ELOVL2: variants seen among roughly 807,000 people sequenced by gnomAD.
The protein encoded by ELOVL2 is very long chain fatty acid elongase 2.
A neutral mutation model predicts 37.7 loss-of-function variants in ELOVL2; 38 were observed. That is an observed-to-expected ratio of 1.01 (90% CI 0.78 to 1.32). The LOEUF (loss-of-function observed/expected upper bound fraction) is 1.32, where lower values mean the gene tolerates loss of function less well. Among genes scored for constraint, ELOVL2 ranks in the 40% most tolerant of loss-of-function variants. ELOVL2 has a pLI of 0.00. For missense variants in ELOVL2, 352 were observed against 363.6 expected, an observed-to-expected ratio of 0.97 and a Z score of 0.26; for synonymous variants, 115 against 122.3, an observed-to-expected ratio of 0.94 and a Z score of 0.40.
intron 1 of ELOVL2, among the ~76,000 whole-genome samples, chr6:11,022,464 C>T (rs979992404): frequency 1.3e-5 from 2 of 152,204 alleles, no homozygotes. Flanking sequence ...GAATCACTCA[C>T]AATCAATCCC....
chr6:10,995,232 G>T, intron 4 of ELOVL2, 54 bp from the exon 5 acceptor site: 1 of 1,348,846 alleles, frequency 7.4e-7, no homozygotes, highest in African/African-American at 1.5e-5. Context: ...TGTTCCTGGT[G>T]CTGCCCCACT....
At chr6:11,013,580 T>A (rs1390706726) in intron 1 of ELOVL2, among the ~76,000 whole-genome samples, 1 of 152,056 alleles carries the variant, frequency 6.6e-6, no homozygotes, top group Non-Finnish European at 1.5e-5. Context: ...GTCATACATA[T>A]GAAGGAAAAG....
chr6:10,999,321 A>G (rs1233285431), intron 4 of ELOVL2, among the ~76,000 whole-genome samples: 2 of 151,946 alleles, frequency 1.3e-5, no homozygotes, highest in African/African-American at 4.8e-5. Flanking sequence ...AGGTACATTC[A>G]GAGAATTCTG....
chr6:11,005,158 C>CAA (rs879891585), intron 3 of ELOVL2, among the ~76,000 whole-genome samples: 6 of 136,502 alleles, frequency 4.4e-5, no homozygotes, highest in African/African-American at 1.6e-4. Context: ...GACTCCATCT[C>CAA]AAAAAAAAAA....
intron 7 of ELOVL2, among the ~76,000 whole-genome samples, chr6:10,985,792 A>G (rs373132669): frequency 1.3e-5 from 2 of 151,960 alleles, no homozygotes; most frequent in Non-Finnish European, 2.9e-5. Context: ...GATGCCTCCA[A>G]CTTTGTTCTT....
At chr6:11,008,852 G>C (rs1782523577) in intron 2 of ELOVL2, among the ~76,000 whole-genome samples, 1 of 152,164 alleles carries the variant, frequency 6.6e-6, no homozygotes, top group Non-Finnish European at 1.5e-5. Flanking sequence ...ACAGTTAATA[G>C]AGCCCATGGA....
At chr6:10,984,860 C>A (rs113221789) in intron 7 of ELOVL2, among the ~76,000 whole-genome samples, 7 of 152,200 alleles carry the variant, frequency 4.6e-5, no homozygotes, top group Middle Eastern at 6.8e-3. Flanking sequence ...ATTTATAGTC[C>A]TTTGGGTATA....
intron 4 of ELOVL2, among the ~76,000 whole-genome samples, chr6:10,999,237 GCTTT>G (rs1371914641): frequency 6.6e-6 from 1 of 152,076 alleles, no homozygotes; most frequent in Non-Finnish European, 1.5e-5. Context: ...CGGCTGCCTT[GCTTT>G]CTTTTTAAAT....
Position 11,036,904 on chromosome 6 carries a change from T to C in ELOVL2, c.3+7324A>G, listed in dbSNP as rs566773860. Among the ~76,000 whole-genome samples, 6 of 137,574 alleles carry C rather than the reference T, an allele frequency of 4.4e-5. No homozygotes were observed. The East Asian group carries it at 1.2e-3, about 27-fold the overall frequency. 90.3% of individuals were successfully genotyped at this position (137,574 alleles called of 152,430 possible). A position where few individuals can be genotyped will look rare whatever the true frequency, so the allele number is the denominator to read the frequency against. On this transcript the variant is annotated intron_variant, in intron 1 of 7. Transcript: ENST00000354666. The stretch of plus-strand genomic sequence containing the variant: ...TATTCTGTTTTCTTCTTTCAAAGCA[T>C]GAGTTAATTTTTTTTTTTTTGAGGA...
chr6:10,989,006 T>C (rs745554700), intron 7 of ELOVL2, among the ~76,000 whole-genome samples: 10 of 152,208 alleles, frequency 6.6e-5, no homozygotes, highest in Middle Eastern at 6.3e-3. Flanking sequence ...ATTAAAAACA[T>C]TGAAGAAGCC....
At chr6:10,989,987 C>G in intron 6 of ELOVL2, 150 bp from the exon 7 acceptor site, 1 of 901,976 alleles carries the variant, frequency 1.1e-6, no homozygotes, top group East Asian at 2.8e-5. Context: ...CCCCCTCATC[C>G]AGAAATCTTA....
chr6:11,038,675 A>T (rs1169647044), intron 1 of ELOVL2, among the ~76,000 whole-genome samples: 1 of 152,186 alleles, frequency 6.6e-6, no homozygotes, highest in Non-Finnish European at 1.5e-5. Context: ...ATATGGATTA[A>T]ATTATTTAAA....
intron 1 of ELOVL2, chr6:11,043,467 A>ACACACACACACACACACACAC: frequency 9.3e-6 from 1 of 107,206 alleles, no homozygotes; most frequent in Non-Finnish European, 1.9e-5. Flanking sequence ...GACACGGGTG[A>ACACACACACACACACACACAC]ACACACACAC....
Position 11,000,079 on chromosome 6 carries a change from T to A in ELOVL2, c.333+8A>T. 1.2e-6 allele frequency: 2 copies of A among 1,613,886 alleles called. No homozygotes were observed. Among genetic ancestry groups the A allele is most frequent in the Non-Finnish European group, 1.7e-6 (2 of 1,179,744 alleles). The stretch of plus-strand genomic sequence containing the variant: ...TTATAGTTGGTTGATTTGCTTCTAG[T>A]GGCTCACCCGGATGTCAGCTTCCCC... On this transcript the variant is annotated splice_region_variant and intron_variant, in intron 4 of 7. Transcript: ENST00000354666.
intron 1 of ELOVL2, among the ~76,000 whole-genome samples, chr6:11,034,145 T>A (rs1782975436): frequency 6.6e-6 from 1 of 152,202 alleles, no homozygotes; most frequent in East Asian, 1.9e-4. Flanking sequence ...GACATATTAG[T>A]TCAGCCCCTT....
chr6:11,027,642 A>C (rs1459554061), intron 1 of ELOVL2, among the ~76,000 whole-genome samples: 2 of 152,094 alleles, frequency 1.3e-5, no homozygotes, highest in Non-Finnish European at 2.9e-5. Flanking sequence ...TCCACACGAG[A>C]GCCCTTCAGA....
At position 11,005,529 on chromosome 6, in the gene ELOVL2, T is replaced by TC; in HGVS notation, c.97dup (p.Asp33GlyfsTer21). 1 of 1,613,284 alleles carries TC rather than the reference T, an allele frequency of 6.2e-7. No individual in the cohort carries two copies. The highest frequency in any genetic ancestry group is 2.2e-5 in the East Asian group (1 of 44,834). ...AAGAAAAAAGGTAGGAAGGTAAGAGTCCAACATGAACCACCCTCTGACTCG... is the reference window on the plus strand; with the variant it reads ...AAGAAAAAAGGTAGGAAGGTAAGAGTCCCAACATGAACCACCCTCTGACTCG... On this transcript the variant is annotated frameshift_variant, in exon 3 of 8. Coordinates refer to ENST00000354666, the MANE Select transcript of ELOVL2 (RefSeq NM_017770.4). LOFTEE classifies it high-confidence loss of function.
At chr6:11,027,708 C>T (rs1166735963) in intron 1 of ELOVL2, among the ~76,000 whole-genome samples, 1 of 100,800 alleles carries the variant, frequency 9.9e-6, no homozygotes. Flanking sequence ...AGGCAAGCAG[C>T]CTAAGATAAG....
At chr6:11,029,472 A>G (rs1426727230) in intron 1 of ELOVL2, among the ~76,000 whole-genome samples, 1 of 152,184 alleles carries the variant, frequency 6.6e-6, no homozygotes, top group Non-Finnish European at 1.5e-5. Flanking sequence ...GCCTGTACAC[A>G]GAGTAGAAGT....
Sources: gnomAD v4.1 joint callset for allele counts (sites outside exome capture counted in the v4.1 genomes callset) on GRCh38, gnomAD v4.1.1 for gene constraint, MANE v1.5 for transcripts, NCBI Gene and HGNC (gene_info 2026-07-23, HGNC 2026-07-21) for gene names.